Variants in HERC3 observed in about 807,000 individuals in gnomAD.
The protein encoded by HERC3 is HECT and RLD domain containing E3 ubiquitin protein ligase 3.
HERC3 carries 58 observed loss-of-function variants against 129.9 expected under a neutral mutation model. The ratio of observed to expected loss-of-function variants is 0.45; its 90% confidence interval spans 0.36 to 0.56. The LOEUF (loss-of-function observed/expected upper bound fraction) is 0.56, where lower values mean the gene tolerates loss of function less well. Among genes scored for constraint, HERC3 ranks in the 20% least tolerant of loss-of-function variants. The pLI is 0.00. For synonymous variants in HERC3, 430 were observed against 451.0 expected (o/e 0.95, Z 0.59); for missense variants, 835 against 1,244.2 (o/e 0.67, Z 4.95).
At position 88,654,174 on chromosome 4, in the gene HERC3, G is replaced by T. The variant is rs1729592417; in HGVS notation, c.777+41G>T. 2.2e-6 allele frequency: 3 copies of T among 1,334,086 alleles called. No individual in the cohort carries two copies. The South Asian group carries it at 3.5e-5, about 16-fold the overall frequency. 82.6% of individuals were successfully genotyped at this position (1,334,086 alleles called of 1,614,324 possible). A position where few individuals can be genotyped will look rare whatever the true frequency, so the allele number is the denominator to read the frequency against. On this transcript the variant is annotated intron_variant, in intron 7 of 25. Coordinates refer to ENST00000402738, the MANE Select transcript of HERC3 (RefSeq NM_014606.3). ...TATTTTACTTTGGTGCTGGGGATAT[G>T]ATGGGTGATTAGAATTGCTTGATTA...
At chr4:88,672,543 T>C (rs1731725622) in intron 16 of HERC3, among the ~76,000 whole-genome samples, 1 of 152,236 alleles carries the variant, frequency 6.6e-6, no homozygotes, top group Admixed American at 6.5e-5. Context: ...TTTAACTACT[T>C]TTAAATAATA....
intron 21 of HERC3, among the ~76,000 whole-genome samples, chr4:88,682,611 TG>T (rs2149318877): frequency 6.6e-6 from 1 of 152,218 alleles, no homozygotes; most frequent in Admixed American, 6.5e-5. Flanking sequence ...CTGAGAATGA[TG>T]GTTTCCGGCT....
chr4:88,626,708 C>T (rs1398022912), intron 3 of HERC3, among the ~76,000 whole-genome samples: 2 of 152,070 alleles, frequency 1.3e-5, no homozygotes, highest in Non-Finnish European at 2.9e-5. Context: ...AATTTGTTGA[C>T]ATAAAATTGT....
At chr4:88,558,981 A>C in the HERC3 span, among the ~76,000 whole-genome samples, 3 of 152,064 alleles carry the variant, frequency 2.0e-5, no homozygotes, top group Non-Finnish European at 4.4e-5. Flanking sequence ...AAAAAAAAAA[A>C]AAAATTCTCA....
At chr4:88,598,306 A>G (rs1185302797) in intron 2 of HERC3, among the ~76,000 whole-genome samples, 3 of 152,128 alleles carry the variant, frequency 2.0e-5, no homozygotes, top group African/African-American at 7.2e-5. Context: ...GCTAGTAAAA[A>G]GAGATTTATC....
In HERC3 at chr4:88,704,863, C is replaced by CTTTTTTTTTT. The variant is rs1165694315; in HGVS notation, c.2944+259_2944+268dup. Reference sequence around the variant, plus strand: ...TCACTGATTTTTCTTTTCTTTCTTTCTTTTTTTTTTTTTTTGAGACAGAGT... The same window carrying CTTTTTTTTTT: ...TCACTGATTTTTCTTTTCTTTCTTTCTTTTTTTTTTTTTTTTTTTTTTTTTGAGACAGAGT... On this transcript the variant is annotated intron_variant, in intron 25 of 25. Transcript: ENST00000402738. 7.7e-4 allele frequency among the ~76,000 whole-genome samples: 101 copies of CTTTTTTTTTT among 130,654 alleles called. 1 individual carries two copies. The highest frequency in any genetic ancestry group is 2.3e-3 in the African/African-American group (77 of 33,386). 85.7% of individuals were successfully genotyped at this position (130,654 alleles called of 152,430 possible).
chr4:88,627,530 G>T (rs911412402), intron 3 of HERC3, among the ~76,000 whole-genome samples: 7 of 152,180 alleles, frequency 4.6e-5, no homozygotes, highest in African/African-American at 1.4e-4. Context: ...ATGGATTTTG[G>T]TATCTATGGG....
In HERC3 at chr4:88,686,903, A is replaced by G. The variant is rs1232349937; in HGVS notation, c.2574+101A>G. The G allele has an allele frequency of 7.6e-6, 7 of 923,548 alleles. No homozygotes were observed. The Admixed American group carries it at 1.4e-4, about 18-fold the overall frequency. The allele number at this position is 923,548 out of a possible 1,614,324, so 57.2% of individuals were successfully genotyped here. A position where few individuals can be genotyped will look rare whatever the true frequency, so the allele number is the denominator to read the frequency against. On this transcript the variant is annotated intron_variant, in intron 22 of 25. Coordinates refer to ENST00000402738, the MANE Select transcript of HERC3 (RefSeq NM_014606.3). The stretch of plus-strand genomic sequence containing the variant: ...CTTCTTCAAATCATAGAAAAAAGTC[A>G]GAGACTTCTTTGAATCAAATTATTT...
At chr4:88,629,484 A>G (rs1277401042) in intron 3 of HERC3, among the ~76,000 whole-genome samples, 1 of 152,200 alleles carries the variant, frequency 6.6e-6, no homozygotes, top group Non-Finnish European at 1.5e-5. Flanking sequence ...ATTTCATTTT[A>G]TAGGATATAA....
chr4:88,667,991 C>T lies in HERC3; in HGVS notation c.1543C>T (p.Leu515=). Residue 515 remains leucine (L), a synonymous_variant, in exon 14 of 26, where the codon CTA becomes TTA. Coordinates refer to ENST00000402738, the MANE Select transcript of HERC3 (RefSeq NM_014606.3). ...RIYLILPEFP[L]LQDSKYYITL... ...CTATTTAATACTACCTGAGTTTCCCCTACTCCAGGATTCCAAGTATTATAT... is the reference window on the plus strand; with the variant it reads ...CTATTTAATACTACCTGAGTTTCCCTTACTCCAGGATTCCAAGTATTATAT... The T allele has an allele frequency of 6.2e-7, 1 of 1,612,700 alleles. No individual in the cohort carries two copies. The highest frequency in any genetic ancestry group is 8.5e-7 in the Non-Finnish European group (1 of 1,178,714).
chr4:88,546,380 G>A, the HERC3 span, among the ~76,000 whole-genome samples: 3 of 152,294 alleles, frequency 2.0e-5, no homozygotes, highest in South Asian at 6.2e-4. Context: ...GGGTAGGATA[G>A]TGCTATCTAT....
chr4:88,533,072 C>G, the HERC3 span, among the ~76,000 whole-genome samples: 1 of 152,338 alleles, frequency 6.6e-6, no homozygotes, highest in East Asian at 1.9e-4. Flanking sequence ...GACAGCGCAG[C>G]CTTCAGCCTG....
intron 3 of HERC3, among the ~76,000 whole-genome samples, chr4:88,614,774 A>G (rs1440730035): frequency 6.6e-6 from 1 of 152,194 alleles, no homozygotes; most frequent in Non-Finnish European, 1.5e-5. Flanking sequence ...GAGTGACTAA[A>G]CTTCTAGATT....
At chr4:88,582,691 T>G in the HERC3 span, among the ~76,000 whole-genome samples, 1 of 152,214 alleles carries the variant, frequency 6.6e-6, no homozygotes, top group African/African-American at 2.4e-5. Context: ...TCTGGAACTT[T>G]TTTATTAACC....
chr4:88,614,224 C>A (rs1291214700), intron 3 of HERC3, among the ~76,000 whole-genome samples: 1 of 152,036 alleles, frequency 6.6e-6, no homozygotes, highest in Non-Finnish European at 1.5e-5. Context: ...GCTGATTAAT[C>A]CTCATGATAG....
chr4:88,620,571 G>T (rs187915432), intron 3 of HERC3, among the ~76,000 whole-genome samples: 110 of 152,112 alleles, frequency 7.2e-4, no homozygotes, highest in Non-Finnish European at 1.1e-3. Flanking sequence ...CCCTCTTCCT[G>T]CCTCTCTGGT....
the HERC3 span, chr4:88,527,831 G>A: frequency 2.5e-5 from 8 of 325,500 alleles, no homozygotes; most frequent in East Asian, 3.8e-4. Flanking sequence ...GTTTACGAAC[G>A]GAAGCTGAAT....
chr4:88,535,364 T>C, the HERC3 span, among the ~76,000 whole-genome samples: 54 of 152,338 alleles, frequency 3.5e-4, no homozygotes, highest in Middle Eastern at 3.4e-3. Context: ...GGTCTAGTCA[T>C]TAGGGACATT....
chr4:88,540,395 G>GA, the HERC3 span, among the ~76,000 whole-genome samples: 23 of 152,086 alleles, frequency 1.5e-4, no homozygotes, highest in Non-Finnish European at 3.2e-4. Context: ...CAAGTTTAGA[G>GA]AAAAAAAGTA....
Sources: gnomAD v4.1 joint callset for allele counts (sites outside exome capture counted in the v4.1 genomes callset) on GRCh38, gnomAD v4.1.1 for gene constraint, MANE v1.5 for transcripts, NCBI Gene and HGNC (gene_info 2026-07-23, HGNC 2026-07-21) for gene names.